Variants in PTPN22 observed in about 807,000 individuals in gnomAD.
The protein encoded by PTPN22 is tyrosine-protein phosphatase non-receptor type 22.
PTPN22 carries 85 observed loss-of-function variants against 103.3 expected under a neutral mutation model. The observed-to-expected ratio is 0.82, with a 90% CI of 0.69 to 0.99. The LOEUF (loss-of-function observed/expected upper bound fraction) is 0.99. PTPN22 is among the 50% of genes least tolerant of loss of function. The pLI is 0.00. For missense variants in PTPN22, 865 were observed against 936.9 expected (o/e 0.92, Z 1.00); for synonymous variants, 323 against 310.2 (o/e 1.04, Z -0.43).
chr1:113,851,975 A>C, intron 10 of PTPN22, 52 bp downstream of exon 10: 1 of 1,407,330 alleles, frequency 7.1e-7, no homozygotes, highest in Non-Finnish European at 9.9e-7. Context: ...ACCATTAAAC[A>C]GATGGAGCAA....
chr1:113,866,450 G>A (rs540540986), intron 1 of PTPN22, among the ~76,000 whole-genome samples: 1 of 152,202 alleles, frequency 6.6e-6, no homozygotes, highest in South Asian at 2.1e-4. Flanking sequence ...GGTGGTGGTT[G>A]CAGTGAGCCG....
intron 1 of PTPN22, 55 bp from the exon 2 acceptor site, chr1:113,859,515 T>C (rs1665385576): frequency 7.1e-7 from 1 of 1,414,576 alleles, no homozygotes; most frequent in Admixed American, 1.7e-5. Flanking sequence ...GGTAAGAAGC[T>C]ATCTCTAAAG....
At chr1:113,835,659 T>G (rs1662939880) in intron 13 of PTPN22, among the ~76,000 whole-genome samples, 1 of 152,214 alleles carries the variant, frequency 6.6e-6, no homozygotes, top group Non-Finnish European at 1.5e-5. Context: ...TTACATAGAC[T>G]ATATAATAAA....
intron 16 of PTPN22, among the ~76,000 whole-genome samples, chr1:113,832,372 G>T (rs1409530187): frequency 6.6e-6 from 1 of 152,130 alleles, no homozygotes; most frequent in African/African-American, 2.4e-5. Flanking sequence ...TAGAGACAGG[G>T]TTTCACCATG....
chr1:113,816,939 A>C (rs1454981494), intron 20 of PTPN22, among the ~76,000 whole-genome samples: 1 of 152,036 alleles, frequency 6.6e-6, no homozygotes, highest in Non-Finnish European at 1.5e-5. Context: ...ACCAACCTAG[A>C]AAACTATGCC....
At position 113,838,426 on chromosome 1, in the gene PTPN22, G is replaced by A. The variant is rs1386818588; in HGVS notation, c.993-19C>T. The A allele has an allele frequency of 1.2e-5, 19 of 1,581,794 alleles. No homozygotes were observed. The highest frequency in any genetic ancestry group is 2.2e-5 in the East Asian group (1 of 44,580). ...TGTGGTACTAAAACAAAAAGAAAGC[G>A]TAATGATGACACCATACCCCAAACA... On this transcript the variant is annotated intron_variant, in intron 12 of 20. Coordinates refer to ENST00000359785, the Ensembl canonical transcript of PTPN22.
intron 11 of PTPN22, among the ~76,000 whole-genome samples, chr1:113,842,733 T>C (rs1208679316): frequency 1.3e-5 from 2 of 151,906 alleles, no homozygotes; most frequent in South Asian, 4.2e-4. Context: ...TGTAGAGAAA[T>C]TGGAATCCTT....
At chr1:113,838,332 A>G (rs776217209) in exon 13 of PTPN22, 2 of 1,609,268 alleles carry the variant, frequency 1.2e-6, no homozygotes, top group South Asian at 1.1e-5. Context: ...CAGAAGTCCT[A>G]AAGTCAAAGG....
At chr1:113,845,376 T>C (rs1220497424) in intron 11 of PTPN22, among the ~76,000 whole-genome samples, 1 of 151,842 alleles carries the variant, frequency 6.6e-6, no homozygotes, top group African/African-American at 2.4e-5. Flanking sequence ...CTAATTTTTG[T>C]ATATTTAGTA....
At chr1:113,841,954 C>T (rs943126369) in intron 11 of PTPN22, among the ~76,000 whole-genome samples, 1 of 152,052 alleles carries the variant, frequency 6.6e-6, no homozygotes, top group East Asian at 1.9e-4. Context: ...CTTTTAGTCT[C>T]AGCTACTGGG....
In PTPN22 at chr1:113,829,580, T is replaced by C. The variant is rs369581650; in HGVS notation, c.2250+12A>G. The stretch of plus-strand genomic sequence containing the variant: ...TTTCCGGCATGTTTCCCAAAACTCT[T>C]ATCTTCTTTACCTTACTCCTTGTGA... On this transcript the variant is annotated intron_variant, in intron 18 of 20. Transcript: ENST00000359785. 84 of 1,498,728 alleles carry C rather than the reference T, an allele frequency of 5.6e-5. No homozygotes were observed. The African/African-American group carries it at 9.0e-4, about 16-fold the overall frequency. 92.8% of individuals were successfully genotyped at this position (1,498,728 alleles called of 1,614,324 possible).
exon 1 of PTPN22, chr1:113,871,616 T>C (rs1666592135): frequency 6.2e-7 from 1 of 1,613,942 alleles, no homozygotes; most frequent in Non-Finnish European, 8.5e-7. Flanking sequence ...AATTTCTCTT[T>C]GGTCCATGCT....
chr1:113,816,598 C>T (rs1043773537), intron 20 of PTPN22, among the ~76,000 whole-genome samples: 19 of 151,930 alleles, frequency 1.3e-4, no homozygotes, highest in Non-Finnish European at 2.4e-4. Flanking sequence ...ATGGTAACTA[C>T]TCAAATGTTG....
intron 20 of PTPN22, 46 bp from the exon 21 acceptor site, chr1:113,815,015 A>G (rs754412852): frequency 7.5e-7 from 1 of 1,336,464 alleles, no homozygotes; most frequent in Non-Finnish European, 1.1e-6. Flanking sequence ...TGTTTTAAGT[A>G]TAGAAATGAA....
At chr1:113,863,980 G>A (rs957282928) in intron 1 of PTPN22, among the ~76,000 whole-genome samples, 18 of 149,396 alleles carry the variant, frequency 1.2e-4, no homozygotes, top group Middle Eastern at 3.5e-3. Context: ...GTGCAGTGGC[G>A]CGATCTCGGC....
At chr1:113,833,651 TCA>T (rs1662739361) in intron 15 of PTPN22, among the ~76,000 whole-genome samples, 1 of 152,216 alleles carries the variant, frequency 6.6e-6, no homozygotes, top group Admixed American at 6.5e-5. Context: ...GAGAATTGGT[TCA>T]CAGACTATAC....
chr1:113,856,776 G>A (rs1312762420), intron 5 of PTPN22, 157 bp from the exon 6 acceptor site: 1 of 853,536 alleles, frequency 1.2e-6, no homozygotes, highest in African/African-American at 1.7e-5. Context: ...AATCTCCAAA[G>A]ATGGGAAAAC....
rs569961071 is a variant in PTPN22, at chr1:113,818,994, A to G, written c.2359+583T>C. 1.3e-3 allele frequency among the ~76,000 whole-genome samples: 193 copies of G among 152,368 alleles called. 1 individual carries two copies. The highest frequency in any genetic ancestry group is 4.4e-3 in the African/African-American group (185 of 41,580). ...TGGTTAATAATAATTTTTAGTAGTA[A>G]TAGCCTACCACTAATTGCTATTCTT... On this transcript the variant is annotated intron_variant, in intron 20 of 20. Coordinates refer to ENST00000359785, the Ensembl canonical transcript of PTPN22.
intron 18 of PTPN22, 30 bp downstream of exon 18, chr1:113,829,562 C>A: frequency 7.5e-7 from 1 of 1,342,096 alleles, no homozygotes; most frequent in African/African-American, 1.5e-5. Flanking sequence ...AAGTTTCCGG[C>A]ATGTTTCCCA....
Sources: allele counts gnomAD v4.1 joint callset (sites outside exome capture counted in the v4.1 genomes callset), GRCh38; gene constraint gnomAD v4.1.1; transcripts MANE v1.5; gene names NCBI Gene and HGNC (gene_info 2026-07-23, HGNC 2026-07-21).